FHIT: variants seen among roughly 807,000 people sequenced by gnomAD.
FHIT encodes the protein fragile histidine triad diadenosine triphosphatase.
FHIT carries 19 observed loss-of-function variants against 17.9 expected under a neutral mutation model. The ratio of observed to expected loss-of-function variants is 1.06; its 90% CI spans 0.74 to 1.56. FHIT has a LOEUF of 1.56. FHIT is among the 40% of genes most tolerant of loss of function. The pLI, the probability that FHIT is intolerant of heterozygous loss-of-function variation, is 0.00. For missense variants in FHIT, 248 were observed against 189.2 expected (o/e 1.31, Z -1.82); for synonymous variants, 81 against 69.7 (o/e 1.16, Z -0.81).
chr3:59,935,543 T>C (rs1706192204), intron 7 of FHIT, among the ~76,000 whole-genome samples: 1 of 152,188 alleles, frequency 6.6e-6, no homozygotes, highest in Non-Finnish European at 1.5e-5. Flanking sequence ...CTGGGCTATT[T>C]ATTACTTATT....
chr3:60,770,919 A>G (rs1476747651), intron 4 of FHIT, among the ~76,000 whole-genome samples: 1 of 152,228 alleles, frequency 6.6e-6, no homozygotes, highest in African/African-American at 2.4e-5. Context: ...GCTCCTGACC[A>G]TATTTTCCTT....
chr3:61,209,345 T>G (rs1379309994), intron 1 of FHIT, among the ~76,000 whole-genome samples: 1 of 152,198 alleles, frequency 6.6e-6, no homozygotes, highest in Non-Finnish European at 1.5e-5. Flanking sequence ...CTGTATTTCC[T>G]AAATCTGAAT....
At position 61,053,664 on chromosome 3, in the gene FHIT, G is replaced by GAAAA. The variant is rs3054020; in HGVS notation, c.-163-11569_-163-11566dup. 9.6e-4 allele frequency among the ~76,000 whole-genome samples: 144 copies of GAAAA among 149,412 alleles called. 1 individual carries two copies. The highest frequency in any genetic ancestry group is 3.8e-3 in the South Asian group (18 of 4,758). On this transcript the variant is annotated intron_variant, in intron 2 of 9. Transcript: ENST00000492590. ...CAACAAGAGCAAAACTCCGTCTCAA[G>GAAAA]AAAAAAAAAATTGTGTTTAAAGTTT...
At chr3:60,522,621 G>A (rs2035415015) in intron 5 of FHIT, among the ~76,000 whole-genome samples, 1 of 152,166 alleles carries the variant, frequency 6.6e-6, no homozygotes, top group African/African-American at 2.4e-5. Context: ...ACCAGACTCA[G>A]AACATATTTT....
At chr3:60,618,209 G>A (rs2039010870) in intron 4 of FHIT, 1 of 152,480 alleles carries the variant, frequency 6.6e-6, no homozygotes, top group Non-Finnish European at 1.5e-5. Flanking sequence ...TAATTCTTTG[G>A]CTATTTTGTT....
At chr3:60,570,771 A>G (rs1199765626) in intron 4 of FHIT, among the ~76,000 whole-genome samples, 3 of 148,210 alleles carry the variant, frequency 2.0e-5, no homozygotes, top group African/African-American at 7.5e-5. Flanking sequence ...TCAAGAGCCT[A>G]GCGCATGTTA....
At chr3:60,813,013 A>G (rs1333731187) in intron 4 of FHIT, among the ~76,000 whole-genome samples, 1 of 152,066 alleles carries the variant, frequency 6.6e-6, no homozygotes, top group African/African-American at 2.4e-5. Context: ...TTTAACTGCC[A>G]TTGTCATGGT....
intron 7 of FHIT, among the ~76,000 whole-genome samples, chr3:60,003,857 A>AC (rs1170977150): frequency 9.1e-6 from 1 of 109,532 alleles, no homozygotes; most frequent in Non-Finnish European, 2.0e-5. Flanking sequence ...CATTTATTTT[A>AC]CTTTTTTTTT....
At chr3:60,139,031 A>C (rs1274995215) in intron 5 of FHIT, among the ~76,000 whole-genome samples, 1 of 152,184 alleles carries the variant, frequency 6.6e-6, no homozygotes, top group Non-Finnish European at 1.5e-5. Flanking sequence ...TGTCTCCTCC[A>C]ATGTTCTAGC....
At chr3:60,162,176 T>C (rs1700968894) in intron 5 of FHIT, among the ~76,000 whole-genome samples, 2 of 152,160 alleles carry the variant, frequency 1.3e-5, no homozygotes, top group African/African-American at 4.8e-5. Flanking sequence ...ATAGGAAAGC[T>C]TCCTTGAGGG....
intron 5 of FHIT, among the ~76,000 whole-genome samples, chr3:60,422,217 T>C (rs1342405110): frequency 6.6e-6 from 1 of 152,096 alleles, no homozygotes; most frequent in Non-Finnish European, 1.5e-5. Context: ...GTCCAAATAC[T>C]GGAGAGTCAT....
Position 60,684,777 on chromosome 3 carries a change from A to G in FHIT, c.-18+137142T>C, listed in dbSNP as rs904464949. On this transcript the variant is annotated intron_variant, in intron 4 of 9. Coordinates refer to ENST00000492590, the MANE Select transcript of FHIT (RefSeq NM_002012.4). ...AGTAAATATTACATCTTTCCCATTCATATTAGTTTCTCAAAAGTGCTCAAG... is the reference window on the plus strand; with the variant it reads ...AGTAAATATTACATCTTTCCCATTCGTATTAGTTTCTCAAAAGTGCTCAAG... Among the ~76,000 whole-genome samples, 2 of 152,096 alleles carry G rather than the reference A, an allele frequency of 1.3e-5. 1 individual carries two copies. Among genetic ancestry groups the G allele is most frequent in the Admixed American group, 1.3e-4 (2 of 15,260 alleles).
chr3:61,099,489 C>T (rs2035751036), intron 2 of FHIT, among the ~76,000 whole-genome samples: 1 of 152,062 alleles, frequency 6.6e-6, no homozygotes, highest in African/African-American at 2.4e-5. Flanking sequence ...AGCAGGAATG[C>T]TACCAGCTCT....
intron 5 of FHIT, among the ~76,000 whole-genome samples, chr3:60,078,832 G>A (rs1010605526): frequency 7.9e-5 from 12 of 151,698 alleles, no homozygotes; most frequent in Admixed American, 5.9e-4. Context: ...TATAATGGAA[G>A]TAAGTAAAGT....
intron 2 of FHIT, among the ~76,000 whole-genome samples, chr3:61,140,472 G>A (rs998743412): frequency 1.3e-5 from 2 of 152,032 alleles, no homozygotes; most frequent in South Asian, 2.1e-4. Flanking sequence ...TATAAAGAAC[G>A]GCTTTGCTTT....
chr3:60,655,183 A>G (rs2040085516), intron 4 of FHIT, among the ~76,000 whole-genome samples: 1 of 152,196 alleles, frequency 6.6e-6, no homozygotes, highest in African/African-American at 2.4e-5. Flanking sequence ...TGGAAGTAAG[A>G]CCAGGAATGT....
At chr3:60,257,431 C>T (rs1429936467) in intron 5 of FHIT, among the ~76,000 whole-genome samples, 1 of 152,162 alleles carries the variant, frequency 6.6e-6, no homozygotes, top group Non-Finnish European at 1.5e-5. Flanking sequence ...AAAGAAACTC[C>T]GTGGGTGCCA....
intron 5 of FHIT, among the ~76,000 whole-genome samples, chr3:60,468,537 A>G (rs1056777321): frequency 6.6e-6 from 1 of 152,260 alleles, no homozygotes; most frequent in East Asian, 1.9e-4. Flanking sequence ...TAAACAGATG[A>G]CAACACTGAT....
At chr3:60,099,205 G>A (rs1704090958) in intron 5 of FHIT, among the ~76,000 whole-genome samples, 1 of 151,992 alleles carries the variant, frequency 6.6e-6, no homozygotes, top group Non-Finnish European at 1.5e-5. Flanking sequence ...CTACCTCAAA[G>A]GCTCTCCCTT....
Sources: gnomAD v4.1 joint callset for allele counts (sites outside exome capture counted in the v4.1 genomes callset) on GRCh38, gnomAD v4.1.1 for gene constraint, MANE v1.5 for transcripts, NCBI Gene and HGNC (gene_info 2026-07-23, HGNC 2026-07-21) for gene names.